Variants in ZNF254 observed in about 807,000 individuals in gnomAD.
ZNF254 encodes the protein CTD-2017D11.1.
A neutral mutation model predicts 12.4 loss-of-function variants in ZNF254; 10 were observed. The ratio of observed to expected loss-of-function variants is 0.80; its 90% CI spans 0.50 to 1.36. The LOEUF (loss-of-function observed/expected upper bound fraction) is 1.36. Ranked by LOEUF, ZNF254 falls within the 40% of genes most tolerant of loss-of-function variation. The pLI is 0.00. For synonymous variants in ZNF254, 305 were observed against 253.4 expected (o/e 1.20, Z -1.93); for missense variants, 996 against 763.9 (o/e 1.30, Z -3.58).
At chr19:24,108,589 T>C (rs1252280407) in intron 3 of ZNF254, among the ~76,000 whole-genome samples, 1 of 152,200 alleles carries the variant, frequency 6.6e-6, no homozygotes, top group Non-Finnish European at 1.5e-5. Flanking sequence ...TCATGTACCA[T>C]GTAGCTGTCA....
intron 3 of ZNF254, among the ~76,000 whole-genome samples, chr19:24,109,247 T>C (rs1160683821): frequency 1.3e-5 from 2 of 152,236 alleles, no homozygotes; most frequent in African/African-American, 4.8e-5. Context: ...CTCCTAATTA[T>C]GATTTTACTG....
intron 3 of ZNF254, among the ~76,000 whole-genome samples, chr19:24,119,224 C>T (rs1974315208): frequency 6.6e-6 from 1 of 151,198 alleles, no homozygotes; most frequent in Non-Finnish European, 1.5e-5. Flanking sequence ...TGAAGTCTCA[C>T]TCTGTCACCC....
intron 1 of ZNF254, among the ~76,000 whole-genome samples, chr19:24,100,390 A>C (rs1020513858): frequency 3.6e-5 from 5 of 139,886 alleles, no homozygotes; most frequent in African/African-American, 1.5e-4. Context: ...TGAAATTTGA[A>C]AAAAAAAAAA....
At chr19:24,084,563 A>G (rs1041572725), upstream of ZNF254, among the ~76,000 whole-genome samples, 3 of 152,136 alleles carry the variant, frequency 2.0e-5, no homozygotes, top group African/African-American at 7.2e-5. Context: ...AATAATAATA[A>G]TAATAATAAA....
Position 24,121,967 on chromosome 19 carries a change from C to T in ZNF254, c.254-4287C>T, listed in dbSNP as rs184087412. Among the ~76,000 whole-genome samples the T allele has an allele frequency of 1.1e-4, 17 of 151,930 alleles. No homozygotes were observed. In the East Asian group the frequency reaches 3.3e-3, roughly 29 times the overall value. On this transcript the variant is annotated intron_variant, in intron 3 of 3. Transcript: ENST00000357002. ...TATAAAATTCTTGTAATTTCAACAT[C>T]CTATTTATGAATCTATATGATTTTT...
intron 3 of ZNF254, among the ~76,000 whole-genome samples, chr19:24,108,189 A>G (rs1973453160): frequency 6.6e-6 from 1 of 152,158 alleles, no homozygotes; most frequent in South Asian, 2.1e-4. Context: ...GAACTGCTTC[A>G]GGGACCACAG....
intron 3 of ZNF254, among the ~76,000 whole-genome samples, chr19:24,116,488 C>T (rs1027264885): frequency 4.6e-5 from 7 of 152,056 alleles, no homozygotes; most frequent in Non-Finnish European, 8.8e-5. Flanking sequence ...GTGATTGCAT[C>T]AGCTCCTGAG....
At chr19:24,058,177 A>G (rs1411770324) in intron 2 of ZNF254, among the ~76,000 whole-genome samples, 1 of 152,100 alleles carries the variant, frequency 6.6e-6, no homozygotes, top group Non-Finnish European at 1.5e-5. Flanking sequence ...TGTTAATCTC[A>G]TTTGGACCTT....
At chr19:24,041,679 C>A (rs564992311) in intron 1 of ZNF254, among the ~76,000 whole-genome samples, 1 of 152,392 alleles carries the variant, frequency 6.6e-6, no homozygotes, top group East Asian at 1.9e-4. Flanking sequence ...CCATCGACCA[C>A]CCAAGGGCTG....
intron 2 of ZNF254, 115 bp downstream of exon 2, chr19:24,106,181 A>AT (rs1430748732): frequency 3.0e-6 from 4 of 1,341,670 alleles, no homozygotes; most frequent in Non-Finnish European, 4.0e-6. Flanking sequence ...AATACTGGGG[A>AT]TTTGTCTGTT....
At chr19:24,042,266 A>T (rs541413429) in intron 1 of ZNF254, among the ~76,000 whole-genome samples, 160 of 152,304 alleles carry the variant, frequency 1.1e-3, no homozygotes, top group Middle Eastern at 3.4e-3. Context: ...TATCTTGCTC[A>T]GGGATTGTAA....
chr19:24,107,223 T>A lies in ZNF254; in HGVS notation c.253+580T>A, dbSNP rs188355350. On this transcript the variant is annotated intron_variant, in intron 3 of 3. Coordinates refer to ENST00000357002, the MANE Select transcript of ZNF254 (RefSeq NM_203282.4). ...GTTTCATGTCCATTTTAGGATTGGA[T>A]TTTTCATTACTGTGAAGAAAAACAC... The A allele has an allele frequency of 2.8e-3, 1,821 of 654,852 alleles. 9 individuals carry two copies. The highest frequency in any genetic ancestry group is 0.019 in the Middle Eastern group (80 of 4,210). 40.6% of individuals were successfully genotyped at this position (654,852 alleles called of 1,614,324 possible). A position where few individuals can be genotyped will look rare whatever the true frequency, so the allele number is the denominator to read the frequency against.
intron 2 of ZNF254, among the ~76,000 whole-genome samples, chr19:24,063,411 A>G (rs1971149412): frequency 6.6e-6 from 1 of 152,204 alleles, no homozygotes; most frequent in African/African-American, 2.4e-5. Flanking sequence ...TCATTGTGAC[A>G]TTGCTTGGTG....
At position 24,045,344 on chromosome 19, in the gene ZNF254, A is replaced by G. The variant is rs578235156; in HGVS notation, c.-189-840A>G. On this transcript the variant is annotated intron_variant, in intron 1 of 4. Transcript: ENST00000613065. Reference sequence around the variant, plus strand: ...CTGCTTCTGTAAAATTGCTTCAGCTAGGCTCCCCCCTCCCCTTGTAGACTG... The same window carrying G: ...CTGCTTCTGTAAAATTGCTTCAGCTGGGCTCCCCCCTCCCCTTGTAGACTG... 2.7e-3 allele frequency among the ~76,000 whole-genome samples: 406 copies of G among 152,150 alleles called. 1 individual carries two copies. The highest frequency in any genetic ancestry group is 9.6e-3 in the African/African-American group (397 of 41,508).
Position 24,128,022 on chromosome 19 carries a change from A to G in ZNF254, c.*42A>G, listed in dbSNP as rs1478503351. On this transcript the variant is annotated 3_prime_UTR_variant, in exon 4 of 4. Transcript: ENST00000357002. ...TAAGAAAACCCTCAATTCTTAATAG[A>G]TATAAGATTATTCCTACTGGAGAGA... is the stretch of plus-strand genomic sequence containing the variant. The G allele has an allele frequency of 6.7e-6, 10 of 1,488,296 alleles. No homozygotes were observed. Among genetic ancestry groups the G allele is most frequent in the South Asian group, 1.5e-5 (1 of 68,286 alleles). 92.2% of individuals were successfully genotyped at this position (1,488,296 alleles called of 1,614,324 possible). A position where few individuals can be genotyped will look rare whatever the true frequency, so the allele number is the denominator to read the frequency against.
intron 1 of ZNF254, among the ~76,000 whole-genome samples, chr19:24,089,805 G>A (rs984930985): frequency 6.6e-6 from 1 of 151,856 alleles, no homozygotes; most frequent in African/African-American, 2.4e-5. Context: ...TCAGATACCA[G>A]TATTGAGGAG....
intron 2 of ZNF254, among the ~76,000 whole-genome samples, chr19:24,052,967 C>T (rs553249252): frequency 9.9e-5 from 15 of 152,188 alleles, no homozygotes; most frequent in African/African-American, 3.1e-4. Flanking sequence ...TGTGTAAAGT[C>T]GTCAAGAGGT....
At chr19:24,084,804 T>C (rs1353264551), upstream of ZNF254, among the ~76,000 whole-genome samples, 1 of 152,098 alleles carries the variant, frequency 6.6e-6, no homozygotes, top group Non-Finnish European at 1.5e-5. Flanking sequence ...ACTTTTGTAT[T>C]TTTTTAGATA....
intron 1 of ZNF254, among the ~76,000 whole-genome samples, chr19:24,039,553 T>C (rs1365874052): frequency 1.3e-5 from 2 of 152,164 alleles, no homozygotes; most frequent in Admixed American, 6.5e-5. Context: ...GCCTCCCAAG[T>C]AGCTGGGATT....
Sources: allele counts gnomAD v4.1 joint callset (sites outside exome capture counted in the v4.1 genomes callset), GRCh38; gene constraint gnomAD v4.1.1; transcripts MANE v1.5; gene names NCBI Gene and HGNC (gene_info 2026-07-23, HGNC 2026-07-21).